CDKAL1: variants seen among roughly 807,000 people sequenced by gnomAD.
The protein encoded by CDKAL1 is CDKAL1 threonylcarbamoyladenosine tRNA methylthiotransferase.
In CDKAL1, 32 loss-of-function variants were observed where a neutral mutation model predicts 68.2. The observed-to-expected ratio is 0.47, with a 90% CI of 0.35 to 0.63. CDKAL1 has a LOEUF of 0.63. Ranked by LOEUF, CDKAL1 falls within the 30% of genes least tolerant of loss-of-function variation. The pLI is 0.00. For synonymous variants in CDKAL1, 234 were observed against 244.3 expected (o/e 0.96, Z 0.39); for missense variants, 606 against 696.7 (o/e 0.87, Z 1.47).
At chr6:20,989,030 C>T (rs1423623900) in intron 10 of CDKAL1, among the ~76,000 whole-genome samples, 3 of 151,722 alleles carry the variant, frequency 2.0e-5, no homozygotes, top group Admixed American at 2.0e-4. Flanking sequence ...ATTGGCCATC[C>T]CAAGTCATAT....
At chr6:20,728,679 C>G (rs114098887) in intron 5 of CDKAL1, among the ~76,000 whole-genome samples, 35 of 152,154 alleles carry the variant, frequency 2.3e-4, no homozygotes, top group Admixed American at 2.0e-3. Flanking sequence ...TTTCATAAAA[C>G]GAAATGACAG....
chr6:20,649,253 T>G, intron 4 of CDKAL1, 40 bp from the exon 5 acceptor site: 1 of 1,326,574 alleles, frequency 7.5e-7, no homozygotes, highest in South Asian at 1.2e-5. Flanking sequence ...AATGATTAAG[T>G]GTGCTACTTA....
At chr6:20,895,255 C>T (rs1761620857) in intron 9 of CDKAL1, among the ~76,000 whole-genome samples, 1 of 152,150 alleles carries the variant, frequency 6.6e-6, no homozygotes. Flanking sequence ...ACAACTTACT[C>T]ACCTGGTAAT....
At chr6:20,640,030 T>C (rs1768096156) in intron 4 of CDKAL1, among the ~76,000 whole-genome samples, 1 of 152,248 alleles carries the variant, frequency 6.6e-6, no homozygotes, top group African/African-American at 2.4e-5. Context: ...TCGAATTCTC[T>C]TATTAAAGCA....
At position 20,929,843 on chromosome 6, in the gene CDKAL1, G is replaced by C. The variant is rs536237533; in HGVS notation, c.743-25576G>C. Among the ~76,000 whole-genome samples the C allele has an allele frequency of 2.4e-3, 371 of 152,170 alleles. 2 individuals are homozygous for C. Among genetic ancestry groups the C allele is most frequent in the African/African-American group, 7.3e-3 (304 of 41,520 alleles). On this transcript the variant is annotated intron_variant, in intron 9 of 15. Transcript: ENST00000274695. The stretch of plus-strand genomic sequence containing the variant: ...CAGTCAACATCTTCTCCCCATCCTG[G>C]ACCCCAAAGAATACAAGGAAAAAAG...
At chr6:20,678,898 ATGTTTTTGTTTT>A (rs1168807388) in intron 5 of CDKAL1, among the ~76,000 whole-genome samples, 1 of 151,688 alleles carries the variant, frequency 6.6e-6, no homozygotes, top group Non-Finnish European at 1.5e-5. Flanking sequence ...TTCATTGCCT[ATGTTTTTGTTTT>A]TGTTTTTGAG....
At chr6:20,921,609 G>C (rs1762960676) in intron 9 of CDKAL1, among the ~76,000 whole-genome samples, 1 of 152,176 alleles carries the variant, frequency 6.6e-6, no homozygotes, top group Non-Finnish European at 1.5e-5. Context: ...TGTCTAAGTA[G>C]AATGGTCCTG....
At chr6:20,783,630 T>A (rs1775530137) in intron 8 of CDKAL1, among the ~76,000 whole-genome samples, 1 of 152,164 alleles carries the variant, frequency 6.6e-6, no homozygotes, top group Non-Finnish European at 1.5e-5. Context: ...TTGGGATGTC[T>A]GCTTGTTTCT....
intron 5 of CDKAL1, among the ~76,000 whole-genome samples, chr6:20,676,665 TTAAATAAA>T (rs146546357): frequency 0.2 from 26,153 of 132,612 alleles, 2,576 homozygotes; most frequent in East Asian, 0.39. Flanking sequence ...AGACTCTGTC[TTAAATAAA>T]TAAATAAATA....
At chr6:21,230,462 C>T (rs190098297) in intron 15 of CDKAL1, among the ~76,000 whole-genome samples, 2 of 152,330 alleles carry the variant, frequency 1.3e-5, no homozygotes, top group African/African-American at 4.8e-5. Flanking sequence ...ACACCTGGCC[C>T]ATGGTGTTTC....
At chr6:20,576,281 T>A (rs1401262031) in intron 4 of CDKAL1, among the ~76,000 whole-genome samples, 5 of 152,224 alleles carry the variant, frequency 3.3e-5, no homozygotes. Context: ...GTCAGTCATT[T>A]TGGCTTAAGC....
intron 10 of CDKAL1, among the ~76,000 whole-genome samples, chr6:20,965,025 G>A (rs1765233817): frequency 6.6e-6 from 1 of 152,124 alleles, no homozygotes; most frequent in Non-Finnish European, 1.5e-5. Flanking sequence ...ATAAACTGAT[G>A]TTTGGCCAGG....
chr6:20,923,576 A>G (rs768921208), intron 9 of CDKAL1, among the ~76,000 whole-genome samples: 1 of 152,160 alleles, frequency 6.6e-6, no homozygotes, highest in Non-Finnish European at 1.5e-5. Flanking sequence ...CCCACCAGCC[A>G]TTCATCTCCC....
intron 9 of CDKAL1, among the ~76,000 whole-genome samples, chr6:20,901,400 C>T (rs375212316): frequency 1.5e-4 from 23 of 151,888 alleles, no homozygotes; most frequent in African/African-American, 4.6e-4. Context: ...AGAGGCCAGG[C>T]GCTGTGGCTC....
chr6:20,610,913 G>A (rs1425225361), intron 4 of CDKAL1, among the ~76,000 whole-genome samples: 1 of 152,146 alleles, frequency 6.6e-6, no homozygotes, highest in African/African-American at 2.4e-5. Context: ...GGGCTCATGT[G>A]ATCCTCCTGT....
At chr6:20,744,824 C>T (rs1183833723) in intron 6 of CDKAL1, among the ~76,000 whole-genome samples, 1 of 152,110 alleles carries the variant, frequency 6.6e-6, no homozygotes, top group Non-Finnish European at 1.5e-5. Flanking sequence ...AAATTGTGTG[C>T]TTTGTGTAGT....
chr6:20,647,601 C>T (rs1768536777), intron 4 of CDKAL1, among the ~76,000 whole-genome samples: 2 of 152,082 alleles, frequency 1.3e-5, no homozygotes, highest in African/African-American at 4.8e-5. Flanking sequence ...TGTCTACACA[C>T]AGTCTGTTAT....
At chr6:20,787,873 C>T (rs1044902628) in intron 8 of CDKAL1, among the ~76,000 whole-genome samples, 2 of 152,126 alleles carry the variant, frequency 1.3e-5, no homozygotes, top group African/African-American at 2.4e-5. Flanking sequence ...TACACAGATA[C>T]TGGTTTATAA....
At chr6:21,191,100 G>A (rs781375238) in intron 13 of CDKAL1, among the ~76,000 whole-genome samples, 2 of 152,216 alleles carry the variant, frequency 1.3e-5, no homozygotes, top group Non-Finnish European at 2.9e-5. Context: ...AAAAGTATTA[G>A]CCCAAATACC....
Sources: gnomAD v4.1 joint callset for allele counts (sites outside exome capture counted in the v4.1 genomes callset) on GRCh38, gnomAD v4.1.1 for gene constraint, MANE v1.5 for transcripts, NCBI Gene and HGNC (gene_info 2026-07-23, HGNC 2026-07-21) for gene names.